The following CTNND2 variants were observed in gnomAD, a reference collection of about 807,000 sequenced individuals.
CTNND2 encodes the protein catenin delta 2, also known as catenin delta-2.
A neutral mutation model predicts 144.4 loss-of-function variants in CTNND2; 22 were observed. That is an observed-to-expected ratio of 0.15 (90% CI 0.11 to 0.22). The LOEUF (loss-of-function observed/expected upper bound fraction) is 0.22, where lower values mean the gene tolerates loss of function less well. Among genes scored for constraint, CTNND2 ranks in the 10% least tolerant of loss-of-function variants. The pLI, the probability that CTNND2 is intolerant of heterozygous loss-of-function variation, is 1.00. For synonymous variants in CTNND2, 751 were observed against 695.6 expected (o/e 1.08, Z -1.25); for missense variants, 1,353 against 1,618.8 (o/e 0.84, Z 2.82).
At chr5:11,320,749 T>C (rs1442708074) in intron 9 of CTNND2, among the ~76,000 whole-genome samples, 1 of 151,926 alleles carries the variant, frequency 6.6e-6, no homozygotes, top group Non-Finnish European at 1.5e-5. Flanking sequence ...GATTCAATCA[T>C]CTCCCACCGG....
At chr5:11,352,301 G>C (rs1187478235) in intron 8 of CTNND2, among the ~76,000 whole-genome samples, 2 of 152,190 alleles carry the variant, frequency 1.3e-5, no homozygotes, top group African/African-American at 4.8e-5. Context: ...GTGGGATCAT[G>C]TGTATGAATA....
chr5:11,283,476 C>T (rs999215614), intron 9 of CTNND2, among the ~76,000 whole-genome samples: 1 of 151,764 alleles, frequency 6.6e-6, no homozygotes, highest in Admixed American at 6.6e-5. Flanking sequence ...GAGTTTGAGA[C>T]CAGCCTGGCC....
intron 3 of CTNND2, among the ~76,000 whole-genome samples, chr5:11,482,633 T>C (rs1370220309): frequency 1.3e-5 from 2 of 151,474 alleles, no homozygotes; most frequent in Admixed American, 1.3e-4. Context: ...GGGAAGGGCA[T>C]TAGAGATGGC....
At chr5:11,670,569 T>A (rs893726692) in intron 2 of CTNND2, among the ~76,000 whole-genome samples, 2 of 152,224 alleles carry the variant, frequency 1.3e-5, no homozygotes, top group Non-Finnish European at 2.9e-5. Context: ...AAGACTAGGA[T>A]TGCAAGCTCT....
chr5:11,412,191 T>A, intron 3 of CTNND2, 122 bp from the exon 4 acceptor site: 1 of 692,014 alleles, frequency 1.4e-6, no homozygotes, highest in Non-Finnish European at 2.6e-6. Flanking sequence ...TTCCTTTCAT[T>A]TCTTACTATG....
chr5:11,447,707 C>G (rs1252752034), intron 3 of CTNND2, among the ~76,000 whole-genome samples: 1 of 152,114 alleles, frequency 6.6e-6, no homozygotes, highest in African/African-American at 2.4e-5. Context: ...GCTGTGTACA[C>G]AAGGCACGTG....
At chr5:11,724,522 T>A (rs1786892798) in intron 2 of CTNND2, among the ~76,000 whole-genome samples, 1 of 152,196 alleles carries the variant, frequency 6.6e-6, no homozygotes, top group Admixed American at 6.5e-5. Context: ...GTGGGCTGGA[T>A]TCCAAGCTTA....
At chr5:11,565,313 A>C (rs1410822116) in intron 2 of CTNND2, among the ~76,000 whole-genome samples, 3 of 152,242 alleles carry the variant, frequency 2.0e-5, no homozygotes, top group African/African-American at 7.2e-5. Flanking sequence ...AATAAGATGG[A>C]TATGAGGATT....
chr5:11,648,839 G>A (rs146031972), intron 2 of CTNND2, among the ~76,000 whole-genome samples: 1 of 152,280 alleles, frequency 6.6e-6, no homozygotes, highest in East Asian at 1.9e-4. Context: ...AAATGGTACT[G>A]ATAGAGAGAA....
At chr5:11,345,117 G>T (rs1580969601) in intron 9 of CTNND2, among the ~76,000 whole-genome samples, 1 of 152,216 alleles carries the variant, frequency 6.6e-6, no homozygotes, top group East Asian at 1.9e-4. Context: ...TATCAAGAAA[G>T]ATTATTTTAA....
chr5:11,902,115 A>C (rs530327046), intron 1 of CTNND2, among the ~76,000 whole-genome samples: 1 of 152,290 alleles, frequency 6.6e-6, no homozygotes, highest in East Asian at 1.9e-4. Flanking sequence ...TAGTGTAATC[A>C]AAGGCCTCCC....
At chr5:11,874,687 G>A (rs1223848603) in intron 1 of CTNND2, among the ~76,000 whole-genome samples, 1 of 152,148 alleles carries the variant, frequency 6.6e-6, no homozygotes, top group East Asian at 1.9e-4. Flanking sequence ...TACTCAGAAT[G>A]TCACCTAAGT....
chr5:10,980,580 T>C (rs1164753888), intron 21 of CTNND2, among the ~76,000 whole-genome samples: 5 of 150,226 alleles, frequency 3.3e-5, no homozygotes, highest in Non-Finnish European at 5.9e-5. Flanking sequence ...CATTCTACTA[T>C]AAAGACACAT....
At chr5:11,598,032 GT>G (rs1166018562) in intron 2 of CTNND2, among the ~76,000 whole-genome samples, 1 of 151,950 alleles carries the variant, frequency 6.6e-6, no homozygotes, top group Non-Finnish European at 1.5e-5. Flanking sequence ...TGTTGTTGTT[GT>G]ATCCAAAAAG....
chr5:11,470,980 A>ATATATATATATAT (rs1219093645), intron 3 of CTNND2, among the ~76,000 whole-genome samples: 32 of 91,532 alleles, frequency 3.5e-4, no homozygotes, highest in East Asian at 5.6e-4. Context: ...ATATATATAT[A>ATATATATATATAT]TTTTTTTTTT....
At position 11,433,139 on chromosome 5, in the gene CTNND2, G is replaced by A. The variant is rs575915229; in HGVS notation, c.288-21070C>T. Among the ~76,000 whole-genome samples the A allele has an allele frequency of 2.6e-5, 4 of 152,288 alleles. No homozygotes were observed. The East Asian group carries it at 7.7e-4, about 29-fold the overall frequency. On this transcript the variant is annotated intron_variant, in intron 3 of 21. Transcript: ENST00000304623. ...CAGAAGCCTGTAGTCCCAGCTACTT[G>A]GGAGGCTGAGGCAGGAGAATGGCGT... is the stretch of plus-strand genomic sequence containing the variant.
At chr5:11,436,893 C>T (rs1166308202) in intron 3 of CTNND2, among the ~76,000 whole-genome samples, 1 of 152,140 alleles carries the variant, frequency 6.6e-6, no homozygotes, top group Non-Finnish European at 1.5e-5. Context: ...TTAGTCACGC[C>T]TTAAAATGTT....
chr5:11,855,054 T>C (rs566760083), intron 1 of CTNND2, among the ~76,000 whole-genome samples: 21 of 152,212 alleles, frequency 1.4e-4, no homozygotes, highest in Non-Finnish European at 2.6e-4. Context: ...ATAAATCTGA[T>C]TAAGACACAG....
chr5:11,265,552 G>GA (rs1745348829), intron 9 of CTNND2, among the ~76,000 whole-genome samples: 2 of 152,156 alleles, frequency 1.3e-5, no homozygotes, highest in South Asian at 2.1e-4. Flanking sequence ...GCGTTTTGCT[G>GA]AATCTTTTAT....
Sources: allele counts gnomAD v4.1 joint callset (sites outside exome capture counted in the v4.1 genomes callset), GRCh38; gene constraint gnomAD v4.1.1; transcripts MANE v1.5; gene names NCBI Gene and HGNC (gene_info 2026-07-23, HGNC 2026-07-21).